Variants in IL27RA observed in about 807,000 individuals in gnomAD.
IL27RA encodes interleukin 27 receptor subunit alpha.
In IL27RA, 61 loss-of-function variants were observed where a neutral mutation model predicts 80.8. That is an observed-to-expected ratio of 0.76 (90% confidence interval 0.61 to 0.93). The LOEUF (loss-of-function observed/expected upper bound fraction) is 0.93. Ranked by LOEUF, IL27RA falls within the 40% of genes least tolerant of loss-of-function variation. IL27RA has a pLI of 0.00. For synonymous variants in IL27RA, 316 were observed against 332.5 expected, an observed-to-expected ratio of 0.95 and a Z score of 0.54; for missense variants, 735 against 808.1, an observed-to-expected ratio of 0.91 and a Z score of 1.10.
In IL27RA at chr19:14,042,733, G is replaced by T; in HGVS notation, c.712G>T (p.Val238Leu). 1.2e-6 allele frequency: 2 copies of T among 1,614,160 alleles called. No individual in the cohort carries two copies. The highest frequency in any genetic ancestry group is 1.7e-6 in the Non-Finnish European group (2 of 1,180,030). Residue 238 changes from valine to leucine, a missense_variant, in exon 6 of 14, where the codon GTA becomes TTA. Val to Leu is a conservative substitution (Grantham distance 32). Coordinates refer to ENST00000263379, the MANE Select transcript of IL27RA (RefSeq NM_004843.4). ...CTTGCCAGCTCCAAAAGATGTGTGG[G>T]TATCAGGGAACCTCTGTGGGACGCC... ...TPPSAPKDVW[V>L]SGNLCGTPGG...
chr19:14,037,948 A>G (rs1363184461), intron 2 of IL27RA, among the ~76,000 whole-genome samples: 2 of 149,394 alleles, frequency 1.3e-5, no homozygotes, highest in African/African-American at 5.0e-5. Context: ...CTCCTGCCTC[A>G]GCCTTCCGAG....
chr19:14,033,211 C>G (rs972875172), intron 2 of IL27RA, among the ~76,000 whole-genome samples: 1 of 150,762 alleles, frequency 6.6e-6, no homozygotes, highest in Non-Finnish European at 1.5e-5. Flanking sequence ...ATTCTCCTGC[C>G]TCAGCCTCCA....
chr19:14,034,769 G>A (rs949708723), intron 2 of IL27RA, among the ~76,000 whole-genome samples: 3 of 151,512 alleles, frequency 2.0e-5, no homozygotes, highest in African/African-American at 4.8e-5. Context: ...TGGCTAACAC[G>A]GTGAAACCCC....
At chr19:14,035,481 C>T (rs1323086912) in intron 2 of IL27RA, among the ~76,000 whole-genome samples, 1 of 151,728 alleles carries the variant, frequency 6.6e-6, no homozygotes, top group Non-Finnish European at 1.5e-5. Flanking sequence ...CTGCAACCTC[C>T]GCCTCCCGGG....
intron 2 of IL27RA, among the ~76,000 whole-genome samples, chr19:14,037,549 C>T (rs1975921852): frequency 6.6e-6 from 1 of 152,160 alleles, no homozygotes; most frequent in Non-Finnish European, 1.5e-5. Flanking sequence ...GCCACCACGC[C>T]TGGCCCCTTC....
intron 2 of IL27RA, among the ~76,000 whole-genome samples, chr19:14,038,406 C>A (rs1041584264): frequency 2.0e-5 from 3 of 151,724 alleles, no homozygotes; most frequent in Non-Finnish European, 4.4e-5. Context: ...AGCAAGACCC[C>A]ATTTCTACAA....
At chr19:14,047,657 C>CTTTTT (rs757895872) in intron 8 of IL27RA, among the ~76,000 whole-genome samples, 2 of 108,182 alleles carry the variant, frequency 1.8e-5, no homozygotes, top group African/African-American at 3.9e-5. Context: ...ATGCCTGGCC[C>CTTTTT]TTTTTTTTTT....
At chr19:14,046,733 A>C in intron 8 of IL27RA, 115 bp downstream of exon 8, 36 of 1,014,860 alleles carry the variant, frequency 3.5e-5, no homozygotes, top group Non-Finnish European at 4.8e-5. Flanking sequence ...TTGGTGGCTC[A>C]TGCCTGTAAT....
In IL27RA at chr19:14,032,450, G is replaced by A; in HGVS notation, c.165G>A (p.Glu55=). Residue 55 remains glutamate (E), a synonymous_variant, in exon 2 of 14, where the codon GAG becomes GAA. Coordinates refer to ENST00000263379, the MANE Select transcript of IL27RA (RefSeq NM_004843.4). ...TGGGCGACTTGAACTGCTCGTGGGA[G>A]CCTCTTGGGGACCTGGGAGCCCCCT... The part of the protein sequence containing the change: ...GPLGDLNCSW[E]PLGDLGAPSE... 1.9e-6 allele frequency: 3 copies of A among 1,613,768 alleles called. No individual in the cohort carries two copies. The highest frequency in any genetic ancestry group is 2.2e-5 in the South Asian group (2 of 91,058).
At position 14,052,176 on chromosome 19, in the gene IL27RA, C is replaced by T; in HGVS notation, c.1797C>T (p.Ser599=). The T allele has an allele frequency of 1.2e-6, 2 of 1,613,020 alleles. No individual in the cohort carries two copies. Among genetic ancestry groups the T allele is most frequent in the Non-Finnish European group, 1.7e-6 (2 of 1,179,604 alleles). The change falls in exon 14 of 14, where the codon TCC becomes TCT. Residue 599 remains serine, a synonymous_variant. Coordinates refer to ENST00000263379, the MANE Select transcript of IL27RA (RefSeq NM_004843.4). ...TGGAGCCCCCGCCGGTTATGGAGTC[C>T]TCCCAGCCCGCCCAGGCCACCGCCC... The part of the protein sequence containing the change: ...EEMEPPPVME[S]SQPAQATAPL...
At chr19:14,041,453 C>T (rs190041952) in intron 4 of IL27RA, among the ~76,000 whole-genome samples, 2 of 152,062 alleles carry the variant, frequency 1.3e-5, no homozygotes, top group Admixed American at 6.6e-5. Flanking sequence ...CACCCACCTC[C>T]ACCTCCTAAA....
chr19:14,041,617 GA>G (rs1975990116), intron 4 of IL27RA, among the ~76,000 whole-genome samples: 1 of 152,150 alleles, frequency 6.6e-6, no homozygotes, highest in African/African-American at 2.4e-5. Flanking sequence ...TGTAAAACGA[GA>G]TAATAATAGA....
chr19:14,043,352 G>A (rs889580792), intron 6 of IL27RA, among the ~76,000 whole-genome samples: 1 of 152,048 alleles, frequency 6.6e-6, no homozygotes, highest in Non-Finnish European at 1.5e-5. Context: ...GGCAGCAGAT[G>A]CAAAAACCTG....
Position 14,053,014 on chromosome 19 carries a change from G to A in IL27RA, c.*724G>A, listed in dbSNP as rs1246394337. On this transcript the variant is annotated 3_prime_UTR_variant, in exon 14 of 14. Coordinates refer to ENST00000263379, the MANE Select transcript of IL27RA (RefSeq NM_004843.4). The stretch of plus-strand genomic sequence containing the variant: ...TCTTGACAACAGAATGTGGTCAGAA[G>A]TGACATATGCCAACACGGGGTCTGG... 6.6e-6 allele frequency: 1 copy of A among 152,232 alleles called. No individual in the cohort carries two copies. The highest frequency in any genetic ancestry group is 1.9e-4 in the East Asian group (1 of 5,198). 9.4% of individuals were successfully genotyped at this position (152,232 alleles called of 1,614,324 possible). A position where few individuals can be genotyped will look rare whatever the true frequency, so the allele number is the denominator to read the frequency against.
Position 14,042,749 on chromosome 19 carries a change from G to T in IL27RA, c.728G>T (p.Cys243Phe). The T allele has an allele frequency of 1.2e-6, 2 of 1,614,184 alleles. No individual in the cohort carries two copies. The highest frequency in any genetic ancestry group is 1.7e-6 in the Non-Finnish European group (2 of 1,180,038). Residue 243 changes from cysteine (C) to phenylalanine (F), a missense_variant, in exon 6 of 14, where the codon TGT becomes TTT. Transcript: ENST00000263379. ...PKDVWVSGNL[C>F]GTPGGEEPLL... ...GATGTGTGGGTATCAGGGAACCTCT[G>T]TGGGACGCCTGGAGGAGAGGAACCT...
chr19:14,047,471 C>T (rs1187785868), intron 8 of IL27RA, among the ~76,000 whole-genome samples: 1 of 150,776 alleles, frequency 6.6e-6, no homozygotes, highest in Non-Finnish European at 1.5e-5. Context: ...TCTCGTGCCT[C>T]AGCCTCTGGG....
intron 2 of IL27RA, among the ~76,000 whole-genome samples, chr19:14,038,898 A>G (rs1317464647): frequency 1.3e-5 from 2 of 151,096 alleles, no homozygotes; most frequent in African/African-American, 2.4e-5. Context: ...AGAAAAAAAA[A>G]AGAGAGAGAG....
At chr19:14,032,950 G>A (rs144646757) in intron 2 of IL27RA, among the ~76,000 whole-genome samples, 17 of 151,370 alleles carry the variant, frequency 1.1e-4, no homozygotes, top group African/African-American at 4.1e-4. Flanking sequence ...TTCCCTCTTT[G>A]AGTCTCCTTT....
intron 10 of IL27RA, among the ~76,000 whole-genome samples, chr19:14,050,511 CAAAAAAA>C (rs34034204): frequency 1.0e-4 from 10 of 99,948 alleles, no homozygotes; most frequent in African/African-American, 1.4e-4. Context: ...GACTTCATGT[CAAAAAAA>C]AAAAAAAAAA....
Sources: allele counts gnomAD v4.1 joint callset (sites outside exome capture counted in the v4.1 genomes callset), GRCh38; gene constraint gnomAD v4.1.1; transcripts MANE v1.5; gene names NCBI Gene and HGNC (gene_info 2026-07-23, HGNC 2026-07-21).